EXD2: variants seen among roughly 807,000 people sequenced by gnomAD.
EXD2 encodes the protein exonuclease 3'-5' domain containing 2.
A neutral mutation model predicts 62.5 loss-of-function variants in EXD2; 40 were observed. The ratio of observed to expected loss-of-function variants is 0.64; its 90% CI spans 0.50 to 0.83. The LOEUF is 0.83. Among genes scored for constraint, EXD2 ranks in the 40% least tolerant of loss-of-function variants. The pLI, the probability that EXD2 is intolerant of heterozygous loss-of-function variation, is 0.00. For synonymous variants in EXD2, 239 were observed against 291.9 expected, an observed-to-expected ratio of 0.82 and a Z score of 1.85; for missense variants, 671 against 761.8, an observed-to-expected ratio of 0.88 and a Z score of 1.40.
chr14:69,198,776 GA>G (rs2042292660), intron 1 of EXD2, among the ~76,000 whole-genome samples: 1 of 152,212 alleles, frequency 6.6e-6, no homozygotes, highest in Non-Finnish European at 1.5e-5. Flanking sequence ...CACGAACCTA[GA>G]TGGAATAGCT....
intron 1 of EXD2, chr14:69,195,990 G>C (rs1478445113): frequency 1.3e-5 from 2 of 152,226 alleles, no homozygotes; most frequent in Non-Finnish European, 2.9e-5. Context: ...TCAAAATTAA[G>C]GTGTCAGCAG....
intron 9 of EXD2, 140 bp downstream of exon 9, chr14:69,238,071 T>C (rs2043860352): frequency 1.4e-6 from 1 of 712,226 alleles, no homozygotes; most frequent in Non-Finnish European, 2.3e-6. Flanking sequence ...TCTAGTAGTT[T>C]AAGATACCTT....
rs2043991605 is a variant in EXD2 at position 69,241,849 on chromosome 14, T to C, written c.*749T>C. On this transcript the variant is annotated 3_prime_UTR_variant, in exon 10 of 10. Coordinates refer to ENST00000685843, the MANE Select transcript of EXD2 (RefSeq NM_001193360.2). Reference sequence around the variant, plus strand: ...TAGAACTTTGAAATTCACTCAGCTTTTCCTTTCATGCTGTTTGTTGCCTGC... The same window carrying C: ...TAGAACTTTGAAATTCACTCAGCTTCTCCTTTCATGCTGTTTGTTGCCTGC... The C allele has an allele frequency of 2.5e-6, 1 of 399,042 alleles. No homozygotes were observed. Among genetic ancestry groups the C allele is most frequent in the Non-Finnish European group, 4.4e-6 (1 of 226,080 alleles). The allele number at this position is 399,042 out of a possible 1,614,324, so 24.7% of individuals were successfully genotyped here.
intron 1 of EXD2, among the ~76,000 whole-genome samples, chr14:69,197,995 A>G (rs1363564547): frequency 6.6e-6 from 1 of 152,192 alleles, no homozygotes; most frequent in East Asian, 1.9e-4. Context: ...AGCTGCTATC[A>G]TACATCTCCA....
intron 5 of EXD2, among the ~76,000 whole-genome samples, chr14:69,231,078 A>AT (rs2043559514): frequency 6.6e-6 from 1 of 151,952 alleles, no homozygotes; most frequent in Non-Finnish European, 1.5e-5. Context: ...AAGAGTCCTG[A>AT]TTTTTTTTGA....
chr14:69,193,368 C>T (rs1566811021), intron 1 of EXD2, among the ~76,000 whole-genome samples: 2 of 152,124 alleles, frequency 1.3e-5, no homozygotes, highest in Non-Finnish European at 2.9e-5. Flanking sequence ...CCACCATGCT[C>T]TTTTGATCAT....
intron 1 of EXD2, among the ~76,000 whole-genome samples, chr14:69,200,428 G>A (rs992566498): frequency 2.0e-5 from 3 of 152,088 alleles, no homozygotes; most frequent in South Asian, 2.1e-4. Flanking sequence ...TGGGCCAGGC[G>A]TGGTGGCTCA....
chr14:69,193,247 CGG>C (rs1390217755), intron 1 of EXD2, among the ~76,000 whole-genome samples: 1 of 152,004 alleles, frequency 6.6e-6, no homozygotes, highest in African/African-American at 2.4e-5. Context: ...TTAGTAGAGA[CGG>C]GGTTTCACCG....
rs1457021085 is a variant in EXD2, at chr14:69,242,281, A to G, written c.*1181A>G. 5.5e-6 allele frequency: 2 copies of G among 363,390 alleles called. No homozygotes were observed. The highest frequency in any genetic ancestry group is 4.2e-5 in the African/African-American group (2 of 47,802). The allele number at this position is 363,390 out of a possible 1,614,324, so 22.5% of individuals were successfully genotyped here. On this transcript the variant is annotated 3_prime_UTR_variant, in exon 10 of 10. Coordinates refer to ENST00000685843, the MANE Select transcript of EXD2 (RefSeq NM_001193360.2). ...AAGAATTTTATGACCAGAATCCAACAAGAGCTCTATTTTGGAATTGTGCCC... is the reference window on the plus strand; with the variant it reads ...AAGAATTTTATGACCAGAATCCAACGAGAGCTCTATTTTGGAATTGTGCCC...
rs941983536 is a variant in EXD2 at position 69,241,369 on chromosome 14, T to C, written c.*269T>C. The stretch of plus-strand genomic sequence containing the variant: ...TCGCCTTTATTTTTACTCTCCCTCT[T>C]CTGCTGTCCCTGTGCAGAGGAAAAA... On this transcript the variant is annotated 3_prime_UTR_variant, in exon 10 of 10. Coordinates refer to ENST00000685843, the MANE Select transcript of EXD2 (RefSeq NM_001193360.2). 4.7e-5 allele frequency: 20 copies of C among 424,762 alleles called. No individual in the cohort carries two copies. The highest frequency in any genetic ancestry group is 3.3e-4 in the African/African-American group (17 of 50,812). The allele number at this position is 424,762 out of a possible 1,614,324, so 26.3% of individuals were successfully genotyped here. A position where few individuals can be genotyped will look rare whatever the true frequency, so the allele number is the denominator to read the frequency against.
intron 3 of EXD2, among the ~76,000 whole-genome samples, chr14:69,219,625 A>G (rs570793870): frequency 6.6e-6 from 1 of 152,340 alleles, no homozygotes; most frequent in African/African-American, 2.4e-5. Flanking sequence ...ATTTAAGTAT[A>G]AATGGAGATT....
At chr14:69,212,705 T>C (rs1053672032) in intron 3 of EXD2, among the ~76,000 whole-genome samples, 2 of 140,752 alleles carry the variant, frequency 1.4e-5, no homozygotes, top group Admixed American at 7.1e-5. Context: ...CTTGATTTTT[T>C]TTTTTTTTTT....
intron 5 of EXD2, 62 bp downstream of exon 5, chr14:69,230,660 TA>T (rs762486561): frequency 5.9e-6 from 9 of 1,530,862 alleles, no homozygotes; most frequent in Non-Finnish European, 7.9e-6. Flanking sequence ...TAACTGTTTA[TA>T]AAATTCGAAT....
chr14:69,227,441 C>T (rs1052818810), intron 3 of EXD2, among the ~76,000 whole-genome samples: 1 of 152,170 alleles, frequency 6.6e-6, no homozygotes, highest in South Asian at 2.1e-4. Context: ...CTATGGATAG[C>T]TTTAGGGAAA....
chr14:69,209,841 AAC>A (rs987626120), intron 3 of EXD2, 38 bp downstream of exon 3: 9 of 1,379,732 alleles, frequency 6.5e-6, no homozygotes, highest in Admixed American at 3.1e-5. Context: ...AAAAAAAAAA[AAC>A]AACTTCTGCT....
At chr14:69,198,126 T>C (rs2042270084) in intron 1 of EXD2, among the ~76,000 whole-genome samples, 1 of 152,226 alleles carries the variant, frequency 6.6e-6, no homozygotes, top group South Asian at 2.1e-4. Context: ...TTTTTTTATG[T>C]AGTTTTAAAA....
intron 7 of EXD2, 126 bp downstream of exon 7, chr14:69,236,278 G>A: frequency 6.5e-7 from 1 of 1,534,686 alleles, no homozygotes; most frequent in Non-Finnish European, 9.0e-7. Context: ...GCATGGGACT[G>A]GGTAGGCACA....
chr14:69,208,943 C>T (rs1180926918), intron 2 of EXD2: 1 of 152,322 alleles, frequency 6.6e-6, no homozygotes, highest in African/African-American at 2.4e-5. Flanking sequence ...GTCTCCCTAC[C>T]AACTGACTGA....
chr14:69,222,605 G>A (rs530630697), intron 3 of EXD2, among the ~76,000 whole-genome samples: 50 of 152,126 alleles, frequency 3.3e-4, no homozygotes, highest in African/African-American at 1.1e-3. Context: ...AATGGGTCAG[G>A]CTTGGTCTCT....
Sources: allele counts gnomAD v4.1 joint callset (sites outside exome capture counted in the v4.1 genomes callset), GRCh38; gene constraint gnomAD v4.1.1; transcripts MANE v1.5; gene names NCBI Gene and HGNC (gene_info 2026-07-23, HGNC 2026-07-21).